Variants in CAMKK2 observed in about 807,000 individuals in gnomAD.
The protein encoded by CAMKK2 is calcium/calmodulin dependent protein kinase kinase 2.
In CAMKK2, 30 loss-of-function variants were observed where a neutral mutation model predicts 67.2. The ratio of observed to expected loss-of-function variants is 0.45; its 90% confidence interval spans 0.33 to 0.61. The LOEUF is 0.61. Ranked by LOEUF, CAMKK2 falls within the 20% of genes least tolerant of loss-of-function variation. The pLI, the probability that CAMKK2 is intolerant of heterozygous loss-of-function variation, is 0.02. For synonymous variants in CAMKK2, 322 were observed against 326.2 expected, an observed-to-expected ratio of 0.99 and a Z score of 0.14; for missense variants, 643 against 802.0, an observed-to-expected ratio of 0.80 and a Z score of 2.39.
intron 1 of CAMKK2, among the ~76,000 whole-genome samples, chr12:121,280,807 C>T (rs1372748316): frequency 6.6e-6 from 1 of 152,078 alleles, no homozygotes; most frequent in African/African-American, 2.4e-5. Flanking sequence ...TTTGGTCAGA[C>T]CGGTTGATCT....
intron 14 of CAMKK2, among the ~76,000 whole-genome samples, chr12:121,246,140 G>A (rs1469596557): frequency 6.6e-6 from 1 of 150,834 alleles, no homozygotes; most frequent in East Asian, 2.0e-4. Context: ...TAATGAAAAT[G>A]TTCAGAACTA....
At chr12:121,284,552 T>A (rs1898374473) in intron 1 of CAMKK2, among the ~76,000 whole-genome samples, 1 of 152,184 alleles carries the variant, frequency 6.6e-6, no homozygotes, top group Non-Finnish European at 1.5e-5. Context: ...CTCGAACTTC[T>A]GACTTCAAGT....
intron 1 of CAMKK2, among the ~76,000 whole-genome samples, chr12:121,278,159 A>T (rs1897141339): frequency 6.6e-6 from 1 of 151,802 alleles, no homozygotes; most frequent in African/African-American, 2.4e-5. Flanking sequence ...GAAATCATCA[A>T]CTCTGTCCCT....
In CAMKK2 at chr12:121,277,916, G is replaced by A. The variant is rs1412198496; in HGVS notation, c.-59-3331C>T. On this transcript the variant is annotated intron_variant, in intron 1 of 16. Transcript: ENST00000404169. ...CGGGAGGCACAGGTTGCAGTGAGGC[G>A]AGATTGCGCCACTGCACTCCAGCCT... Among the ~76,000 whole-genome samples the A allele has an allele frequency of 3.9e-5, 6 of 152,270 alleles. No individual in the cohort carries two copies. In the East Asian group the frequency reaches 5.8e-4, roughly 15 times the overall value.
At position 121,252,846 on chromosome 12, in the gene CAMKK2, C is replaced by T. The variant is rs940009835; in HGVS notation, c.1108-132G>A. 4 of 836,422 alleles carry T rather than the reference C, an allele frequency of 4.8e-6. No individual in the cohort carries two copies. The Admixed American group carries it at 6.7e-5, about 14-fold the overall frequency. The allele number at this position is 836,422 out of a possible 1,614,324, so 51.8% of individuals were successfully genotyped here. A position where few individuals can be genotyped will look rare whatever the true frequency, so the allele number is the denominator to read the frequency against. Reference sequence around the variant, plus strand: ...GGCGGGACCAATCTTGTCTCCTAGGCTCTGGGGCAGGCACAGGATCCAGGC... The same window carrying T: ...GGCGGGACCAATCTTGTCTCCTAGGTTCTGGGGCAGGCACAGGATCCAGGC... On this transcript the variant is annotated intron_variant, in intron 10 of 16. Transcript: ENST00000404169.
intron 7 of CAMKK2, among the ~76,000 whole-genome samples, chr12:121,258,791 C>T (rs1344924367): frequency 6.6e-6 from 1 of 151,970 alleles, no homozygotes; most frequent in Admixed American, 6.6e-5. Context: ...CTCATTCCAC[C>T]CGTCAGCTCA....
In CAMKK2 at chr12:121,255,534, C is replaced by T. The variant is rs754206355; in HGVS notation, c.907+16G>A. On this transcript the variant is annotated intron_variant, in intron 9 of 16. Coordinates refer to ENST00000404169, the MANE Select transcript of CAMKK2 (RefSeq NM_001270485.2). Reference sequence around the variant, plus strand: ...ACTACCCACTGGGTGAGAGCCCTCCCGCAGGCCCTGCTCACAGTACTCGAT... The same window carrying T: ...ACTACCCACTGGGTGAGAGCCCTCCTGCAGGCCCTGCTCACAGTACTCGAT... The T allele has an allele frequency of 1.2e-5, 19 of 1,600,438 alleles. No homozygotes were observed. The highest frequency in any genetic ancestry group is 2.2e-5 in the South Asian group (2 of 89,236).
intron 10 of CAMKK2, among the ~76,000 whole-genome samples, 165 bp from the exon 11 acceptor site, chr12:121,252,879 ATGAGAG>A (rs1891064600): frequency 6.6e-6 from 1 of 152,142 alleles, no homozygotes; most frequent in African/African-American, 2.4e-5. Flanking sequence ...GGCCAGGCCA[ATGAGAG>A]CACCACTACC....
At chr12:121,243,831 A>G in intron 16 of CAMKK2, 1 of 1,278,656 alleles carries the variant, frequency 7.8e-7, no homozygotes, top group Non-Finnish European at 1.0e-6. Context: ...CAGTAAAGCT[A>G]TGTTTAAGAA....
At chr12:121,264,949 T>A (rs2136337649) in intron 5 of CAMKK2, among the ~76,000 whole-genome samples, 2 of 150,614 alleles carry the variant, frequency 1.3e-5, no homozygotes, top group South Asian at 4.2e-4. Context: ...TCAGCCTGGG[T>A]GACAGAGCGA....
intron 1 of CAMKK2, among the ~76,000 whole-genome samples, chr12:121,283,814 C>T (rs372599983): frequency 1.3e-5 from 2 of 151,474 alleles, no homozygotes; most frequent in Non-Finnish European, 2.9e-5. Context: ...GATCCTTTCG[C>T]TAAATAAATA....
chr12:121,255,155 C>A (rs1179254307), intron 9 of CAMKK2, among the ~76,000 whole-genome samples: 2 of 127,852 alleles, frequency 1.6e-5, no homozygotes, highest in African/African-American at 3.0e-5. Flanking sequence ...TATTGTGGGA[C>A]CTTGTGATCG....
chr12:121,260,847 G>T (rs1257399440), intron 6 of CAMKK2, among the ~76,000 whole-genome samples: 1 of 151,896 alleles, frequency 6.6e-6, no homozygotes, highest in African/African-American at 2.4e-5. Flanking sequence ...CACCTACTCA[G>T]GAGGCTGAGG....
rs868609766 is a variant in CAMKK2 at position 121,240,740 on chromosome 12, T to G, written c.1726A>C (p.Met576Leu). The G allele has an allele frequency of 6.2e-7, 1 of 1,609,150 alleles. No homozygotes were observed. The highest frequency in any genetic ancestry group is 1.3e-5 in the African/African-American group (1 of 74,854). Reference sequence around the variant, plus strand: ...GCCTCCTCCGGCCGCAGTGGATGCATGCGTGCGGGGGAGCCGGGGGCGGGG... The same window carrying G: ...GCCTCCTCCGGCCGCAGTGGATGCAGGCGTGCGGGGGAGCCGGGGGCGGGG... ...WAPAPGSPAR[M>L]HPLRPEEAME... is the part of the protein sequence containing the mutation. Residue 576 changes from methionine to leucine, a missense_variant, in exon 17 of 17, where the codon ATG becomes CTG. Transcript: ENST00000404169. This position sits in a 1 kb window ranked among gnomAD's most constrained non-coding sequence, Gnocchi z 4.4.
At chr12:121,273,824 G>A (rs761383191) in intron 2 of CAMKK2, among the ~76,000 whole-genome samples, 8 of 152,036 alleles carry the variant, frequency 5.3e-5, no homozygotes, top group Non-Finnish European at 7.4e-5. Context: ...ACTGGTAATC[G>A]GCTCCATGAC....
In CAMKK2 at chr12:121,252,750, G is replaced by A. The variant is rs377023209; in HGVS notation, c.1108-36C>T. ...AAGAGCTTAGTGTGAGGGCATAAGG[G>A]GTGGTCCAGCCTCCAATCCTCCAGT... On this transcript the variant is annotated intron_variant, in intron 10 of 16. Coordinates refer to ENST00000404169, the MANE Select transcript of CAMKK2 (RefSeq NM_001270485.2). 27 of 1,610,208 alleles carry A rather than the reference G, an allele frequency of 1.7e-5. No individual in the cohort carries two copies. The African/African-American group carries it at 2.7e-4, about 16-fold the overall frequency.
chr12:121,252,093 A>G (rs1229096649), intron 11 of CAMKK2, among the ~76,000 whole-genome samples: 1 of 148,182 alleles, frequency 6.7e-6, no homozygotes, highest in Non-Finnish European at 1.5e-5. Context: ...AGGTGGCAGA[A>G]CTGCTGTCCT....
chr12:121,264,429 G>A (rs1209785027), intron 5 of CAMKK2, among the ~76,000 whole-genome samples: 1 of 152,166 alleles, frequency 6.6e-6, no homozygotes, highest in Non-Finnish European at 1.5e-5. Context: ...TTGAGCCCAG[G>A]AGTTCAAGAC....
In CAMKK2 at chr12:121,274,159, C is replaced by A; in HGVS notation, c.368G>T (p.Cys123Phe). 1.9e-6 allele frequency: 3 copies of A among 1,594,852 alleles called. No individual in the cohort carries two copies. The highest frequency in any genetic ancestry group is 2.6e-6 in the Non-Finnish European group (3 of 1,168,950). The change falls in exon 2 of 17, where the codon TGC becomes TTC. Residue 123 changes from cysteine to phenylalanine, a missense_variant. Coordinates refer to ENST00000404169, the MANE Select transcript of CAMKK2 (RefSeq NM_001270485.2). Reference protein sequence around the residue: ...GSLDMNGRCICPSLPYSPVSS... With the variant: ...GSLDMNGRCIFPSLPYSPVSS... ...GACGGGTGAGTAGGGCAGGGACGGG[C>A]AGATGCAGCGTCCGTTCATGTCCAG...
Sources: allele counts gnomAD v4.1 joint callset (sites outside exome capture counted in the v4.1 genomes callset), GRCh38; gene constraint gnomAD v4.1.1; non-coding constraint Gnocchi (gnomAD v3.1); transcripts MANE v1.5; gene names NCBI Gene and HGNC (gene_info 2026-07-23, HGNC 2026-07-21).